GRIP1: variants seen among roughly 807,000 people sequenced by gnomAD.
The protein encoded by GRIP1 is glutamate receptor interacting protein 1.
In GRIP1, 45 loss-of-function variants were observed where a neutral mutation model predicts 129.9. The ratio of observed to expected loss-of-function variants is 0.35; its 90% CI spans 0.27 to 0.44. GRIP1 has a LOEUF of 0.44. Ranked by LOEUF, GRIP1 falls within the 20% of genes least tolerant of loss-of-function variation. GRIP1 has a pLI of 1.00. For synonymous variants in GRIP1, 530 were observed against 520.8 expected (o/e 1.02, Z -0.24); for missense variants, 1,196 against 1,396.8 (o/e 0.86, Z 2.29).
intron 1 of GRIP1, among the ~76,000 whole-genome samples, chr12:66,990,977 C>CAA (rs373022223): frequency 1.9e-4 from 19 of 102,606 alleles, no homozygotes; most frequent in African/African-American, 3.4e-4. Flanking sequence ...AACTCCGTCG[C>CAA]AAAAAAAAAA....
chr12:66,532,356 GT>G lies in GRIP1; in HGVS notation c.419-2443del, dbSNP rs371993532. 2.0e-4 allele frequency among the ~76,000 whole-genome samples: 30 copies of G among 152,184 alleles called. 1 individual carries two copies. Among genetic ancestry groups the G allele is most frequent in the Admixed American group, 5.2e-4 (8 of 15,288 alleles). ...GCTTACCCAAAAGATCAAAAAGTAG[GT>G]AGAAACCAAATTCACAATGCAAAAA... is the stretch of plus-strand genomic sequence containing the variant. On this transcript the variant is annotated intron_variant, in intron 4 of 24. Transcript: ENST00000359742.
intron 1 of GRIP1, among the ~76,000 whole-genome samples, chr12:66,946,771 G>T (rs2041674711): frequency 9.0e-6 from 1 of 110,972 alleles, no homozygotes; most frequent in South Asian, 3.6e-4. Context: ...GGGGTCGGGG[G>T]GTGGGGTGGG....
At chr12:66,629,764 T>C (rs1486341391) in intron 1 of GRIP1, among the ~76,000 whole-genome samples, 2 of 152,224 alleles carry the variant, frequency 1.3e-5, no homozygotes, top group African/African-American at 2.4e-5. Context: ...TAAATATACA[T>C]AGAGCCTTCA....
chr12:66,374,803 T>G (rs562132481), intron 22 of GRIP1, among the ~76,000 whole-genome samples: 1 of 152,324 alleles, frequency 6.6e-6, no homozygotes, highest in East Asian at 1.9e-4. Flanking sequence ...CAGGTAAGTA[T>G]GTGAATCTGT....
chr12:66,930,799 T>C (rs1334082963), intron 1 of GRIP1, among the ~76,000 whole-genome samples: 5 of 152,178 alleles, frequency 3.3e-5, no homozygotes, highest in Non-Finnish European at 5.9e-5. Context: ...GAGAGTTCTA[T>C]CCAGACTCAT....
intron 1 of GRIP1, among the ~76,000 whole-genome samples, chr12:66,626,026 G>A (rs934138582): frequency 6.6e-6 from 1 of 151,928 alleles, no homozygotes; most frequent in Admixed American, 6.6e-5. Flanking sequence ...CTAGGCAGAG[G>A]GAAGAACAAG....
chr12:66,674,150 T>G (rs984997515), intron 1 of GRIP1, among the ~76,000 whole-genome samples: 1 of 151,898 alleles, frequency 6.6e-6, no homozygotes, highest in African/African-American at 2.4e-5. Context: ...AGAAATGAGG[T>G]CCAGCACAGA....
chr12:66,851,662 T>A (rs2039914614), intron 1 of GRIP1, among the ~76,000 whole-genome samples: 1 of 152,088 alleles, frequency 6.6e-6, no homozygotes, highest in Admixed American at 6.6e-5. Flanking sequence ...ACAAATTGGC[T>A]CATTTAAGTG....
intron 7 of GRIP1, among the ~76,000 whole-genome samples, chr12:66,495,970 G>A (rs567008270): frequency 6.6e-6 from 1 of 152,236 alleles, no homozygotes; most frequent in Admixed American, 6.5e-5. Context: ...GAAGGCCGGC[G>A]GGATTTCATA....
At chr12:66,384,404 C>T (rs558445050) in intron 19 of GRIP1, among the ~76,000 whole-genome samples, 1 of 152,160 alleles carries the variant, frequency 6.6e-6, no homozygotes, top group Non-Finnish European at 1.5e-5. Flanking sequence ...ATCAAGATAC[C>T]AAAATGCAAA....
Position 66,701,397 on chromosome 12 carries a change from AC to A in GRIP1, c.-419-71062del, listed in dbSNP as rs747945874. On this transcript the variant is annotated intron_variant, in intron 1 of 4. Coordinates refer to the GRIP1 transcript ENST00000538373. Reference sequence around the variant, plus strand: ...TATTTTGTCAATAGGAAATATATGTACAAGGTACAAGACATAAATAATGTAA... The same window carrying A: ...TATTTTGTCAATAGGAAATATATGTAAAGGTACAAGACATAAATAATGTAA... 2.7e-4 allele frequency among the ~76,000 whole-genome samples: 41 copies of A among 152,350 alleles called. 1 individual carries two copies. The highest frequency in any genetic ancestry group is 6.8e-3 in the Middle Eastern group (2 of 294).
intron 7 of GRIP1, among the ~76,000 whole-genome samples, chr12:66,506,886 T>TG (rs2060543345): frequency 6.6e-6 from 1 of 151,640 alleles, no homozygotes; most frequent in South Asian, 2.1e-4. Flanking sequence ...CCTTTTTTTT[T>TG]CCTCTAAAAA....
intron 2 of GRIP1, among the ~76,000 whole-genome samples, chr12:66,573,720 C>T (rs758382606): frequency 6.6e-6 from 1 of 152,126 alleles, no homozygotes; most frequent in African/African-American, 2.4e-5. Context: ...CCCCACAGCA[C>T]GAATCAAACA....
intron 2 of GRIP1, among the ~76,000 whole-genome samples, chr12:66,552,441 T>C (rs1241101932): frequency 6.6e-6 from 1 of 152,194 alleles, no homozygotes; most frequent in Non-Finnish European, 1.5e-5. Flanking sequence ...TTACATCCAT[T>C]CACTAACTTA....
intron 19 of GRIP1, among the ~76,000 whole-genome samples, chr12:66,387,969 T>C (rs936764002): frequency 6.6e-6 from 1 of 151,606 alleles, no homozygotes; most frequent in Non-Finnish European, 1.5e-5. Context: ...TATATCCTTA[T>C]AAAGCAATGA....
chr12:66,602,588 G>A (rs1031901215), intron 1 of GRIP1, among the ~76,000 whole-genome samples: 3 of 152,020 alleles, frequency 2.0e-5, no homozygotes, highest in Admixed American at 6.6e-5. Context: ...CTGATGGAGT[G>A]GTCCATACAG....
chr12:66,522,436 G>C (rs2061049466), intron 5 of GRIP1, among the ~76,000 whole-genome samples: 1 of 152,184 alleles, frequency 6.6e-6, no homozygotes, highest in Non-Finnish European at 1.5e-5. Context: ...GTTTGGAGCG[G>C]ACCTCTAGCA....
At chr12:66,948,519 G>A (rs1426355162) in intron 1 of GRIP1, among the ~76,000 whole-genome samples, 1 of 152,184 alleles carries the variant, frequency 6.6e-6, no homozygotes, top group East Asian at 1.9e-4. Context: ...GCTCATAGAA[G>A]AAGATTATGA....
At chr12:66,579,149 G>A (rs2063269137) in intron 2 of GRIP1, among the ~76,000 whole-genome samples, 1 of 152,200 alleles carries the variant, frequency 6.6e-6, no homozygotes, top group South Asian at 2.1e-4. Flanking sequence ...CAGGCAAACA[G>A]GGTCTGGAGT....
Sources: gnomAD v4.1 joint callset for allele counts (sites outside exome capture counted in the v4.1 genomes callset) on GRCh38, gnomAD v4.1.1 for gene constraint, MANE v1.5 for transcripts, NCBI Gene and HGNC (gene_info 2026-07-23, HGNC 2026-07-21) for gene names.